The following NELL2 variants were observed in gnomAD, a reference collection of about 807,000 sequenced individuals.
NELL2 encodes neural EGFL like 2.
A neutral mutation model predicts 109.6 loss-of-function variants in NELL2; 41 were observed. The ratio of observed to expected loss-of-function variants is 0.37; its 90% CI spans 0.29 to 0.49. The LOEUF is 0.49. Ranked by LOEUF, NELL2 falls within the 20% of genes least tolerant of loss-of-function variation. The pLI is 0.98. For synonymous variants in NELL2, 355 were observed against 344.7 expected, an observed-to-expected ratio of 1.03 and a Z score of -0.33; for missense variants, 900 against 1,008.3, an observed-to-expected ratio of 0.89 and a Z score of 1.45.
intron 9 of NELL2, among the ~76,000 whole-genome samples, chr12:44,750,588 A>C (rs1281845500): frequency 6.6e-6 from 1 of 152,202 alleles, no homozygotes; most frequent in Non-Finnish European, 1.5e-5. Flanking sequence ...CAAGAAATTC[A>C]CTAGATTCAG....
intron 3 of NELL2, among the ~76,000 whole-genome samples, chr12:44,806,340 C>T (rs1942999004): frequency 1.3e-5 from 2 of 151,720 alleles, no homozygotes; most frequent in Non-Finnish European, 3.0e-5. Flanking sequence ...ACTTTTTAAT[C>T]ATTGTTGAAG....
chr12:44,895,150 TCTC>T (rs1194447522), intron 1 of NELL2, among the ~76,000 whole-genome samples: 3 of 152,118 alleles, frequency 2.0e-5, no homozygotes, highest in Non-Finnish European at 2.9e-5. Flanking sequence ...AAGGAAATCT[TCTC>T]CTTCAGACTT....
At chr12:44,844,996 A>G (rs565300574) in intron 2 of NELL2, among the ~76,000 whole-genome samples, 1 of 152,242 alleles carries the variant, frequency 6.6e-6, no homozygotes, top group African/African-American at 2.4e-5. Flanking sequence ...TTTTTTACAT[A>G]CCCTTTTAAT....
At position 44,651,123 on chromosome 12, in the gene NELL2, C is replaced by T. The variant is rs377382475; in HGVS notation, c.1444+14361G>A. 3.6e-4 allele frequency among the ~76,000 whole-genome samples: 55 copies of T among 152,276 alleles called. No individual in the cohort carries two copies. The East Asian group carries it at 9.3e-3, about 26-fold the overall frequency. On this transcript the variant is annotated intron_variant, in intron 13 of 19. Coordinates refer to ENST00000429094, the MANE Select transcript of NELL2 (RefSeq NM_001145108.2). ...ACATGCAAGGGATCTAGGTTGCATG[C>T]TCCTATGGAATCTAATGTGGAACAG... is the stretch of plus-strand genomic sequence containing the variant.
chr12:44,686,913 C>G (rs1399620774), intron 12 of NELL2, among the ~76,000 whole-genome samples: 1 of 152,200 alleles, frequency 6.6e-6, no homozygotes, highest in Non-Finnish European at 1.5e-5. Context: ...CAGAGGCAGG[C>G]AGGCCTCCTT....
In NELL2 at chr12:44,720,438, T is replaced by A. The variant is rs530326135; in HGVS notation, c.995-5697A>T. Among the ~76,000 whole-genome samples the A allele has an allele frequency of 2.2e-4, 33 of 152,310 alleles. No individual in the cohort carries two copies. In the South Asian group the frequency reaches 6.6e-3, roughly 31 times the overall value. The stretch of plus-strand genomic sequence containing the variant: ...TATAAAAAAGATTCTATAGCCTGTG[T>A]CTTACAGAAGGAGTCTGCCCTTTCT... On this transcript the variant is annotated intron_variant, in intron 9 of 19. Coordinates refer to ENST00000429094, the MANE Select transcript of NELL2 (RefSeq NM_001145108.2).
At chr12:44,845,310 A>G (rs1047142333) in intron 2 of NELL2, among the ~76,000 whole-genome samples, 1 of 152,196 alleles carries the variant, frequency 6.6e-6, no homozygotes, top group African/African-American at 2.4e-5. Flanking sequence ...ATAATTCCTG[A>G]CTTAAAGTTC....
chr12:44,840,056 T>C (rs974863898), intron 2 of NELL2, among the ~76,000 whole-genome samples: 3 of 152,222 alleles, frequency 2.0e-5, no homozygotes, highest in Non-Finnish European at 4.4e-5. Flanking sequence ...AGCCTCCAAA[T>C]GCATCAAGTT....
At chr12:44,639,716 T>C (rs561956552) in intron 13 of NELL2, among the ~76,000 whole-genome samples, 1 of 152,272 alleles carries the variant, frequency 6.6e-6, no homozygotes, top group East Asian at 1.9e-4. Flanking sequence ...AATTCCCTTC[T>C]ATTTCTAACC....
At chr12:44,763,609 G>T (rs1190620503) in intron 9 of NELL2, among the ~76,000 whole-genome samples, 1 of 152,100 alleles carries the variant, frequency 6.6e-6, no homozygotes, top group African/African-American at 2.4e-5. Context: ...AAGACCAAGA[G>T]AATATCCAGG....
intron 1 of NELL2, among the ~76,000 whole-genome samples, chr12:44,898,211 G>C (rs1945617420): frequency 6.6e-6 from 1 of 151,706 alleles, no homozygotes. Flanking sequence ...CCTGCCTGCT[G>C]GCTCTGAAGA....
intron 9 of NELL2, among the ~76,000 whole-genome samples, chr12:44,744,855 G>A (rs187668497): frequency 3.3e-5 from 5 of 152,280 alleles, no homozygotes; most frequent in Admixed American, 1.3e-4. Flanking sequence ...TGGATTCACA[G>A]CTGAATTCTA....
chr12:44,594,060 C>T (rs554363297), intron 15 of NELL2, among the ~76,000 whole-genome samples: 1 of 151,780 alleles, frequency 6.6e-6, no homozygotes, highest in East Asian at 1.9e-4. Context: ...CATGTTCTCA[C>T]TCATTTATGT....
chr12:44,745,315 C>A (rs1940272711), intron 9 of NELL2, among the ~76,000 whole-genome samples: 1 of 152,074 alleles, frequency 6.6e-6, no homozygotes, highest in Non-Finnish European at 1.5e-5. Context: ...ATAATAAGCG[C>A]AATCTATGAC....
At position 44,520,161 on chromosome 12, in the gene NELL2, C is replaced by G; in HGVS notation, c.2244G>C (p.Glu748Asp). Residue 748 changes from glutamate (E) to aspartate (D), a missense_variant, in exon 19 of 20, where the codon GAG becomes GAC. Glu to Asp is a conservative substitution (Grantham distance 45). Coordinates refer to ENST00000429094, the MANE Select transcript of NELL2 (RefSeq NM_001145108.2). ...DVECEFSILPENECCPRCVTD... is the reference protein window; with the variant it reads ...DVECEFSILPDNECCPRCVTD... ...TGACACAGCGCGGGCAGCACTCATT[C>G]TCTGGGAGAATGCTGAATTCACACT... The G allele has an allele frequency of 6.2e-7, 1 of 1,613,904 alleles. No individual in the cohort carries two copies. Among genetic ancestry groups the G allele is most frequent in the Non-Finnish European group, 8.5e-7 (1 of 1,179,978 alleles).
chr12:44,869,925 C>T (rs556870663), intron 2 of NELL2, among the ~76,000 whole-genome samples: 28 of 152,276 alleles, frequency 1.8e-4, no homozygotes, highest in African/African-American at 6.5e-4. Context: ...TCTCCTCTCA[C>T]GTTACTACAA....
intron 12 of NELL2, among the ~76,000 whole-genome samples, chr12:44,673,620 T>C (rs576371657): frequency 6.6e-6 from 1 of 152,336 alleles, no homozygotes; most frequent in Admixed American, 6.5e-5. Context: ...CTGGGCCACA[T>C]GGACCTTCGC....
At chr12:44,704,748 G>A (rs571907770) in intron 11 of NELL2, among the ~76,000 whole-genome samples, 2 of 152,252 alleles carry the variant, frequency 1.3e-5, no homozygotes, top group African/African-American at 2.4e-5. Context: ...GCTGGGCATG[G>A]TGGCTCACAC....
chr12:44,627,089 A>G (rs1218986847), intron 13 of NELL2, among the ~76,000 whole-genome samples: 5 of 152,292 alleles, frequency 3.3e-5, no homozygotes, highest in South Asian at 2.1e-4. Flanking sequence ...GTAACAGGGT[A>G]AATGACACAA....
Sources: gnomAD v4.1 joint callset for allele counts (sites outside exome capture counted in the v4.1 genomes callset) on GRCh38, gnomAD v4.1.1 for gene constraint, MANE v1.5 for transcripts, NCBI Gene and HGNC (gene_info 2026-07-23, HGNC 2026-07-21) for gene names.